Variants in DDR2 observed in about 807,000 individuals in gnomAD.
DDR2 encodes discoidin domain receptor tyrosine kinase 2.
In DDR2, 27 loss-of-function variants were observed where a neutral mutation model predicts 94.9. That is an observed-to-expected ratio of 0.28 (90% CI 0.21 to 0.39). The LOEUF is 0.39. DDR2 is among the 10% of genes least tolerant of loss of function. The pLI is 1.00. For synonymous variants in DDR2, 382 were observed against 377.2 expected (o/e 1.01, Z -0.15); for missense variants, 783 against 1,076.0 (o/e 0.73, Z 3.81).
intron 1 of DDR2, among the ~76,000 whole-genome samples, chr1:162,640,283 G>T (rs1657062784): frequency 6.6e-6 from 1 of 152,020 alleles, no homozygotes; most frequent in Non-Finnish European, 1.5e-5. Flanking sequence ...CTCATGATCT[G>T]CCCCCCTCAG....
At chr1:162,693,497 G>A (rs534115426) in intron 2 of DDR2, among the ~76,000 whole-genome samples, 2 of 152,236 alleles carry the variant, frequency 1.3e-5, no homozygotes, top group African/African-American at 4.8e-5. Flanking sequence ...ACTATTTTAG[G>A]TACTGAGAGT....
At chr1:162,752,333 G>T (rs1312780680) in intron 3 of DDR2, among the ~76,000 whole-genome samples, 1 of 152,200 alleles carries the variant, frequency 6.6e-6, no homozygotes, top group Non-Finnish European at 1.5e-5. Context: ...CCCACTCATT[G>T]TGTTGTATCC....
rs1057474003 is a variant in DDR2 at position 162,781,832 on chromosome 1, A to G, written c.*1586A>G. On this transcript the variant is annotated 3_prime_UTR_variant, in exon 18 of 18. Transcript: ENST00000367921. ...ATTCCAATTGAGGAGAAACAAGAAA[A>G]CATTACAAATCAGTTTCCCAAGCTG... The G allele has an allele frequency of 6.6e-6, 1 of 152,208 alleles. No individual in the cohort carries two copies. The highest frequency in any genetic ancestry group is 2.4e-5 in the African/African-American group (1 of 41,454). 9.4% of individuals were successfully genotyped at this position (152,208 alleles called of 1,614,324 possible). A position where few individuals can be genotyped will look rare whatever the true frequency, so the allele number is the denominator to read the frequency against.
chr1:162,767,807 G>GGTGTGTGTGT (rs145645107), intron 11 of DDR2, among the ~76,000 whole-genome samples: 2 of 149,560 alleles, frequency 1.3e-5, no homozygotes, highest in Non-Finnish European at 3.0e-5. Flanking sequence ...TTGTCTGTTT[G>GGTGTGTGTGT]GTGTGTGTGT....
At chr1:162,719,993 A>G (rs1661346809) in intron 3 of DDR2, among the ~76,000 whole-genome samples, 1 of 152,166 alleles carries the variant, frequency 6.6e-6, no homozygotes, top group Admixed American at 6.5e-5. Flanking sequence ...CAGAAGCCAG[A>G]ATACTCAAAC....
intron 2 of DDR2, among the ~76,000 whole-genome samples, chr1:162,700,256 A>G (rs1242189951): frequency 6.6e-6 from 1 of 152,210 alleles, no homozygotes; most frequent in Non-Finnish European, 1.5e-5. Flanking sequence ...TGGCAACACC[A>G]TCTTTTGCTA....
chr1:162,712,954 C>G (rs539987755), intron 2 of DDR2, among the ~76,000 whole-genome samples: 1 of 152,074 alleles, frequency 6.6e-6, no homozygotes, highest in Non-Finnish European at 1.5e-5. Context: ...GGTAAAGAAG[C>G]CAACTCTAAT....
chr1:162,765,902 A>G, intron 9 of DDR2, 99 bp from the exon 10 acceptor site: 1 of 1,051,998 alleles, frequency 9.5e-7, no homozygotes, highest in South Asian at 1.3e-5. Flanking sequence ...ACAACTCACT[A>G]AATTGATCTT....
At chr1:162,672,494 G>T (rs941444991) in intron 2 of DDR2, among the ~76,000 whole-genome samples, 13 of 152,042 alleles carry the variant, frequency 8.6e-5, no homozygotes, top group Admixed American at 3.9e-4. Context: ...TGATGCTCTT[G>T]TCTTTCTTCA....
intron 2 of DDR2, among the ~76,000 whole-genome samples, chr1:162,702,498 G>C (rs1660476264): frequency 6.6e-6 from 1 of 152,142 alleles, no homozygotes; most frequent in Non-Finnish European, 1.5e-5. Flanking sequence ...TCTGAGTATA[G>C]GTCATTCATC....
intron 2 of DDR2, among the ~76,000 whole-genome samples, chr1:162,690,411 G>A (rs1659912544): frequency 6.6e-6 from 1 of 151,972 alleles, no homozygotes; most frequent in Non-Finnish European, 1.5e-5. Flanking sequence ...GTGTGACACT[G>A]GCCAAGTCAT....
chr1:162,755,189 T>A lies in DDR2; in HGVS notation c.451T>A (p.Phe151Ile), dbSNP rs775472539. The A allele has an allele frequency of 3.7e-6, 6 of 1,614,140 alleles. No homozygotes were observed. The South Asian group carries it at 6.6e-5, about 18-fold the overall frequency. Reference sequence around the variant, plus strand: ...TGGAAATAGTAACCCCTATGACATTTTCCTAAAGGACTTGGAGCCGCCCAT... The same window carrying A: ...TGGAAATAGTAACCCCTATGACATTATCCTAAAGGACTTGGAGCCGCCCAT... ...LDGNSNPYDI[F>I]LKDLEPPIVA... The change falls in exon 6 of 18, where the codon TTC becomes ATC. Residue 151 changes from phenylalanine to isoleucine, a missense_variant. Physicochemically the swap from Phe to Ile is conservative, Grantham distance 21. This residue lies in a region of DDR2 where 519 missense variants were observed against 647.9 expected (regional missense o/e 0.80). Transcript: ENST00000367921.
At chr1:162,704,576 G>C (rs1444665290) in intron 2 of DDR2, among the ~76,000 whole-genome samples, 1 of 152,194 alleles carries the variant, frequency 6.6e-6, no homozygotes, top group African/African-American at 2.4e-5. Context: ...GGCAGATTCA[G>C]GGTCTGGTTA....
At chr1:162,672,857 G>A (rs1039584272) in intron 2 of DDR2, among the ~76,000 whole-genome samples, 1 of 152,088 alleles carries the variant, frequency 6.6e-6, no homozygotes, top group African/African-American at 2.4e-5. Flanking sequence ...TGTTCTCGGG[G>A]CCTCTCTGTC....
chr1:162,710,792 A>C (rs1227276084), intron 2 of DDR2, among the ~76,000 whole-genome samples: 1 of 151,990 alleles, frequency 6.6e-6, no homozygotes, highest in Non-Finnish European at 1.5e-5. Flanking sequence ...ACACACAAAC[A>C]TTGTATTTGC....
chr1:162,737,106 TC>T (rs1392933696), intron 3 of DDR2, among the ~76,000 whole-genome samples: 5 of 151,548 alleles, frequency 3.3e-5, no homozygotes, highest in Admixed American at 1.3e-4. Flanking sequence ...TTCTTTTTTT[TC>T]GTTTCTTTTT....
intron 2 of DDR2, among the ~76,000 whole-genome samples, chr1:162,692,641 C>T (rs1660009281): frequency 6.6e-6 from 1 of 152,184 alleles, no homozygotes; most frequent in East Asian, 1.9e-4. Context: ...ACTTGTATTA[C>T]CAAGCATTGT....
intron 3 of DDR2, among the ~76,000 whole-genome samples, chr1:162,734,799 G>A (rs1255366182): frequency 1.3e-5 from 2 of 152,236 alleles, no homozygotes; most frequent in Admixed American, 6.5e-5. Context: ...AGAGTAGGCT[G>A]AGACCCAATC....
chr1:162,740,996 T>C (rs1010144819), intron 3 of DDR2, among the ~76,000 whole-genome samples: 2 of 151,882 alleles, frequency 1.3e-5, no homozygotes, highest in Non-Finnish European at 1.5e-5. Context: ...AAGTCTGGTG[T>C]ATTGGGACAA....
Sources: allele counts gnomAD v4.1 joint callset (sites outside exome capture counted in the v4.1 genomes callset), GRCh38; gene constraint gnomAD v4.1.1; regional missense constraint gnomAD v4.1.1; transcripts MANE v1.5; gene names NCBI Gene and HGNC (gene_info 2026-07-23, HGNC 2026-07-21).